PCDHGA1: variants seen among roughly 807,000 people sequenced by gnomAD.
The protein encoded by PCDHGA1 is protocadherin gamma-A1.
PCDHGA1 carries 32 observed loss-of-function variants against 58.0 expected under a neutral mutation model. That is an observed-to-expected ratio of 0.55 (90% CI 0.42 to 0.74). PCDHGA1 has a LOEUF of 0.74. Among genes scored for constraint, PCDHGA1 ranks in the 30% least tolerant of loss-of-function variants. The pLI is 0.00. For missense variants in PCDHGA1, 1,205 were observed against 1,182.3 expected, an observed-to-expected ratio of 1.02 and a Z score of -0.28; for synonymous variants, 498 against 501.1, an observed-to-expected ratio of 0.99 and a Z score of 0.08.
At position 141,408,901 on chromosome 5, in the gene PCDHGA1, G is replaced by A. The variant is rs529239605; in HGVS notation, c.2421+75796G>A. On this transcript the variant is annotated intron_variant, in intron 1 of 3. Transcript: ENST00000517417. ...CCGCTCACATAGAAATTTCTGTCAA[G>A]GATACCAATGATAACCCCCCGGTTT... 269 of 1,613,216 alleles carry A rather than the reference G, an allele frequency of 1.7e-4. 6 individuals carry two copies. The South Asian group carries it at 2.8e-3, about 17-fold the overall frequency.
chr5:141,497,793 G>A (rs2099779480), intron 2 of PCDHGA1, among the ~76,000 whole-genome samples: 1 of 152,180 alleles, frequency 6.6e-6, no homozygotes, highest in Admixed American at 6.5e-5. Flanking sequence ...ACCTGCTTCA[G>A]CTTCCCAAAG....
At chr5:141,419,974 C>T (rs368697962) in intron 1 of PCDHGA1, 3 of 1,613,962 alleles carry the variant, frequency 1.9e-6, no homozygotes, top group Non-Finnish European at 2.5e-6. Context: ...TCTTTCTCCT[C>T]GCGGTGATTC....
intron 1 of PCDHGA1, chr5:141,419,955 T>C: frequency 1.9e-6 from 3 of 1,614,096 alleles, no homozygotes; most frequent in Non-Finnish European, 2.5e-6. Flanking sequence ...TTGGCCTTGA[T>C]TTCTGTGCTC....
intron 1 of PCDHGA1, among the ~76,000 whole-genome samples, chr5:141,336,417 A>T (rs1302395403): frequency 1.3e-5 from 2 of 152,214 alleles, no homozygotes; most frequent in Non-Finnish European, 1.5e-5. Flanking sequence ...AATATACCAT[A>T]GTAGCTCTAC....
intron 1 of PCDHGA1, chr5:141,338,852 G>C: frequency 7.0e-7 from 1 of 1,424,172 alleles, no homozygotes; most frequent in Non-Finnish European, 9.2e-7. Context: ...CAGCCCACCA[G>C]TTCTCTCCAT....
chr5:141,352,284 C>G lies in PCDHGA1; in HGVS notation c.2421+19179C>G, dbSNP rs373524011. ...GTATTGCCAGACCTCAGCGACCGCC[C>G]TGAGCCCTCTGACCCCCAGACGGAA... On this transcript the variant is annotated intron_variant, in intron 1 of 3. Coordinates refer to ENST00000517417, the MANE Select transcript of PCDHGA1 (RefSeq NM_018912.3). 4.2e-5 allele frequency: 67 copies of G among 1,613,932 alleles called. No individual in the cohort carries two copies. The East Asian group carries it at 6.9e-4, about 17-fold the overall frequency.
Position 141,432,211 on chromosome 5 carries a change from C to T in PCDHGA1, c.2422-62596C>T. 6.2e-7 allele frequency: 1 copy of T among 1,614,232 alleles called. No homozygotes were observed. The highest frequency in any genetic ancestry group is 8.5e-7 in the Non-Finnish European group (1 of 1,180,044). On this transcript the variant is annotated intron_variant, in intron 1 of 3. Coordinates refer to ENST00000517417, the MANE Select transcript of PCDHGA1 (RefSeq NM_018912.3). The surrounding 1 kb of genome is among the most constrained non-coding windows in gnomAD (Gnocchi z 6.0). ...CCCACGACCCCGACTGTGAAGAGAA[C>T]GCCCAGATCACTTATTCCCTGGCTG... is the stretch of plus-strand genomic sequence containing the variant.
In PCDHGA1 at chr5:141,330,963, G is replaced by A. The variant is rs1276316451; in HGVS notation, c.279G>A (p.Glu93=). ...TCACCGCGCGCAGGATAGACCGGGA[G>A]GAGCTCTGCGCTCAGAGCATGCCGT... is the stretch of plus-strand genomic sequence containing the variant. ...SLITARRIDR[E]ELCAQSMPCL... Residue 93 remains glutamate, a synonymous_variant, in exon 1 of 4, where the codon GAG becomes GAA. Transcript: ENST00000517417. 1.2e-6 allele frequency: 2 copies of A among 1,614,084 alleles called. No homozygotes were observed. Among genetic ancestry groups the A allele is most frequent in the Non-Finnish European group, 1.7e-6 (2 of 1,180,050 alleles).
chr5:141,393,712 A>G, intron 1 of PCDHGA1: 1 of 1,613,874 alleles, frequency 6.2e-7, no homozygotes, highest in Non-Finnish European at 8.5e-7. Flanking sequence ...AATACTGGGG[A>G]AATATCAATA....
chr5:141,372,601 T>C, intron 1 of PCDHGA1: 1 of 1,614,028 alleles, frequency 6.2e-7, no homozygotes, highest in Non-Finnish European at 8.5e-7. Context: ...TTCAAGACTG[T>C]ACCTGGAGTT....
chr5:141,350,155 G>C (rs950480253), intron 1 of PCDHGA1: 18 of 998,812 alleles, frequency 1.8e-5, no homozygotes, highest in Non-Finnish European at 2.2e-5. Context: ...TCACCCTCGA[G>C]CGCCTAACTA....
chr5:141,478,465 C>T (rs768021356), intron 1 of PCDHGA1: 6 of 1,613,730 alleles, frequency 3.7e-6, no homozygotes, highest in Non-Finnish European at 5.1e-6. Context: ...GTCCACTGGC[C>T]AGCCGCCAGA....
chr5:141,423,546 G>A, intron 1 of PCDHGA1: 1 of 1,613,708 alleles, frequency 6.2e-7, no homozygotes, highest in Non-Finnish European at 8.5e-7. Flanking sequence ...TTTTCCCCCA[G>A]CCCAACTATG....
rs1219045744 is a variant in PCDHGA1 at position 141,476,783 on chromosome 5, G to T, written c.2422-18024G>T. The stretch of plus-strand genomic sequence containing the variant: ...GACGGCGTTGGACGGAGGGACCCCA[G>T]CTCTCTCCGCCAGCCTGCCTATTCA... On this transcript the variant is annotated intron_variant, in intron 1 of 3. Transcript: ENST00000517417. The surrounding 1 kb of genome is among the most constrained non-coding windows in gnomAD (Gnocchi z 7.6). 5 of 1,613,392 alleles carry T rather than the reference G, an allele frequency of 3.1e-6. No homozygotes were observed. The highest frequency in any genetic ancestry group is 2.7e-5 in the African/African-American group (2 of 74,930).
chr5:141,345,060 A>G (rs1182012859), intron 1 of PCDHGA1: 5 of 1,613,980 alleles, frequency 3.1e-6, no homozygotes, highest in Non-Finnish European at 4.2e-6. Context: ...TGTGAATGAC[A>G]ATGCTCCAGA....
At chr5:141,422,122 A>C in intron 1 of PCDHGA1, 1 of 1,601,714 alleles carries the variant, frequency 6.2e-7, no homozygotes, top group Non-Finnish European at 8.5e-7. Context: ...GGATTCACAA[A>C]CTGGAGAAGT....
chr5:141,362,346 T>A, intron 1 of PCDHGA1: 1 of 1,614,088 alleles, frequency 6.2e-7, no homozygotes, highest in Non-Finnish European at 8.5e-7. Flanking sequence ...AGCCTGGACC[T>A]GGGGTTCTCC....
intron 1 of PCDHGA1, chr5:141,376,394 C>T (rs1772639427): frequency 3.1e-6 from 5 of 1,614,110 alleles, no homozygotes; most frequent in South Asian, 1.1e-5. Context: ...TCTGATTTTC[C>T]CCCAGCCCAA....
At position 141,357,135 on chromosome 5, in the gene PCDHGA1, C is replaced by G. The variant is rs566379742; in HGVS notation, c.2421+24030C>G. On this transcript the variant is annotated intron_variant, in intron 1 of 3. Coordinates refer to ENST00000517417, the MANE Select transcript of PCDHGA1 (RefSeq NM_018912.3). Reference sequence around the variant, plus strand: ...CGCTCAAGCAGAGGCTTGTAGTGGTCGTCCAGGACCATGGCCAGCCCCCTC... The same window carrying G: ...CGCTCAAGCAGAGGCTTGTAGTGGTGGTCCAGGACCATGGCCAGCCCCCTC... The G allele has an allele frequency of 1.9e-4, 305 of 1,613,504 alleles. 5 individuals are homozygous for G. The South Asian group carries it at 3.1e-3, about 16-fold the overall frequency.
Sources: gnomAD v4.1 joint callset for allele counts (sites outside exome capture counted in the v4.1 genomes callset) on GRCh38, gnomAD v4.1.1 for gene constraint, Gnocchi (gnomAD v3.1) non-coding constraint, MANE v1.5 for transcripts, NCBI Gene and HGNC (gene_info 2026-07-23, HGNC 2026-07-21) for gene names.